SPMAP2L: variants seen among roughly 807,000 people sequenced by gnomAD.
SPMAP2L encodes the protein sperm microtubule associated protein 2 like.
chr4:56,613,323 T>G, the SPMAP2L span, among the ~76,000 whole-genome samples: 1 of 152,194 alleles, frequency 6.6e-6, no homozygotes, highest in Non-Finnish European at 1.5e-5. Context: ...AGGTGTGGTC[T>G]GCTAGGACTT....
the SPMAP2L span, chr4:56,594,187 G>C: frequency 6.2e-7 from 1 of 1,613,274 alleles, no homozygotes; most frequent in Admixed American, 1.7e-5. Flanking sequence ...GTATTCCAGG[G>C]TCTGTGTTCA....
At chr4:56,531,137 C>T in the SPMAP2L span, 1 of 1,534,650 alleles carries the variant, frequency 6.5e-7, no homozygotes, top group Non-Finnish European at 8.7e-7. Context: ...ATCACCAGAG[C>T]CCCGCCACGG....
chr4:56,574,893 G>T, the SPMAP2L span, among the ~76,000 whole-genome samples: 1 of 150,992 alleles, frequency 6.6e-6, no homozygotes, highest in East Asian at 2.0e-4. Context: ...GAGGTAGGAG[G>T]ATCACTTGAG....
chr4:56,541,468 C>T, the SPMAP2L span, among the ~76,000 whole-genome samples: 1 of 151,996 alleles, frequency 6.6e-6, no homozygotes, highest in African/African-American at 2.4e-5. Flanking sequence ...TTTAAGGGCA[C>T]ATTGTTTTTA....
the SPMAP2L span, among the ~76,000 whole-genome samples, chr4:56,543,487 T>C: frequency 6.6e-6 from 1 of 151,512 alleles, no homozygotes; most frequent in Non-Finnish European, 1.5e-5. Flanking sequence ...AGGCCAGGAG[T>C]TTGAGACCAG....
chr4:56,559,498 T>C, the SPMAP2L span: 13 of 1,528,516 alleles, frequency 8.5e-6, no homozygotes, highest in Non-Finnish European at 8.7e-6. Context: ...CAAGGAAGTT[T>C]CCTGCCACTA....
At chr4:56,619,721 G>C in the SPMAP2L span, among the ~76,000 whole-genome samples, 4 of 152,128 alleles carry the variant, frequency 2.6e-5, no homozygotes, top group Non-Finnish European at 4.4e-5. Context: ...ATAAGTAAGT[G>C]AAACTACAAT....
At chr4:56,618,508 G>A in the SPMAP2L span, among the ~76,000 whole-genome samples, 2 of 152,202 alleles carry the variant, frequency 1.3e-5, no homozygotes, top group Non-Finnish European at 2.9e-5. Flanking sequence ...GGCAGAAGGG[G>A]AAGCAAATGT....
At chr4:56,585,026 G>A in the SPMAP2L span, among the ~76,000 whole-genome samples, 1 of 152,192 alleles carries the variant, frequency 6.6e-6, no homozygotes, top group African/African-American at 2.4e-5. Context: ...TCTTCCGATG[G>A]AGGAAAGGTT....
the SPMAP2L span, among the ~76,000 whole-genome samples, chr4:56,534,173 C>A: frequency 1.3e-5 from 2 of 152,148 alleles, no homozygotes; most frequent in Non-Finnish European, 2.9e-5. Context: ...TTTCCCCCTT[C>A]TCTAGAGAAC....
chr4:56,539,987 A>C, the SPMAP2L span, among the ~76,000 whole-genome samples: 1 of 152,342 alleles, frequency 6.6e-6, no homozygotes, highest in East Asian at 1.9e-4. Context: ...CTCTATTCCA[A>C]AGCTTAAAAT....
the SPMAP2L span, among the ~76,000 whole-genome samples, chr4:56,537,920 C>A: frequency 1.3e-5 from 2 of 152,186 alleles, no homozygotes; most frequent in East Asian, 3.9e-4. Context: ...GTCTTGATCT[C>A]CTGACCTTGT....
the SPMAP2L span, chr4:56,594,509 G>A: frequency 1.3e-5 from 21 of 1,607,414 alleles, no homozygotes; most frequent in African/African-American, 2.5e-4. Context: ...GCCAAACAGG[G>A]GAGCCCAGGG....
the SPMAP2L span, chr4:56,531,058 C>A: frequency 6.5e-7 from 1 of 1,535,524 alleles, no homozygotes; most frequent in Non-Finnish European, 8.7e-7. Flanking sequence ...CCGTGAGCCC[C>A]GCAAGTCCCG....
chr4:56,585,737 A>G, the SPMAP2L span, among the ~76,000 whole-genome samples: 5 of 152,122 alleles, frequency 3.3e-5, no homozygotes, highest in African/African-American at 7.2e-5. Context: ...GCACTTATTT[A>G]TTTCACTAAA....
At chr4:56,605,299 A>T in the SPMAP2L span, among the ~76,000 whole-genome samples, 1 of 152,208 alleles carries the variant, frequency 6.6e-6, no homozygotes, top group Admixed American at 6.5e-5. Flanking sequence ...TTGGCACTGG[A>T]GATAACACAG....
At chr4:56,624,747 C>G in the SPMAP2L span, among the ~76,000 whole-genome samples, 1 of 152,186 alleles carries the variant, frequency 6.6e-6, no homozygotes, top group South Asian at 2.1e-4. Context: ...TGGGAACCTC[C>G]ACTTAGATTT....
At chr4:56,540,457 C>T in the SPMAP2L span, among the ~76,000 whole-genome samples, 2 of 152,078 alleles carry the variant, frequency 1.3e-5, no homozygotes, top group Admixed American at 1.3e-4. Flanking sequence ...GCAGGAGAAT[C>T]GCTTGAACCC....
chr4:56,550,831 C>G, the SPMAP2L span, among the ~76,000 whole-genome samples: 1 of 151,984 alleles, frequency 6.6e-6, no homozygotes, highest in South Asian at 2.1e-4. Context: ...CTAATTAGCC[C>G]GGTATGGTGT....
Sources: allele counts gnomAD v4.1 joint callset (sites outside exome capture counted in the v4.1 genomes callset), GRCh38; gene constraint gnomAD v4.1.1; transcripts MANE v1.5; gene names NCBI Gene and HGNC (gene_info 2026-07-23, HGNC 2026-07-21).